The following ROBO1 variants were observed in gnomAD, a reference collection of about 807,000 sequenced individuals.
ROBO1 encodes roundabout guidance receptor 1.
A neutral mutation model predicts 195.9 loss-of-function variants in ROBO1; 149 were observed. That is an observed-to-expected ratio of 0.76 (90% CI 0.67 to 0.87). The LOEUF (loss-of-function observed/expected upper bound fraction) is 0.87. ROBO1 is among the 40% of genes least tolerant of loss of function. The pLI, the probability that ROBO1 is intolerant of heterozygous loss-of-function variation, is 0.00. For synonymous variants in ROBO1, 816 were observed against 733.2 expected (o/e 1.11, Z -1.82); for missense variants, 1,933 against 2,068.3 (o/e 0.93, Z 1.27).
intron 18 of ROBO1, among the ~76,000 whole-genome samples, chr3:78,653,183 T>C (rs1229418674): frequency 6.6e-6 from 1 of 152,206 alleles, no homozygotes; most frequent in Non-Finnish European, 1.5e-5. Context: ...AATCTGGGTT[T>C]TGACACCCTT....
At chr3:79,213,966 C>T (rs927185593) in intron 2 of ROBO1, among the ~76,000 whole-genome samples, 79 of 151,698 alleles carry the variant, frequency 5.2e-4, no homozygotes, top group South Asian at 4.2e-4. Flanking sequence ...GCTGGGATTA[C>T]GGGTGCGCAC....
intron 2 of ROBO1, among the ~76,000 whole-genome samples, chr3:79,504,700 C>T (rs990630208): frequency 3.3e-5 from 5 of 152,128 alleles, no homozygotes; most frequent in African/African-American, 1.2e-4. Flanking sequence ...ATGGAAAATG[C>T]AAATTTTGTA....
At chr3:79,160,933 T>A (rs1041049009) in intron 2 of ROBO1, among the ~76,000 whole-genome samples, 1 of 152,070 alleles carries the variant, frequency 6.6e-6, no homozygotes, top group Non-Finnish European at 1.5e-5. Flanking sequence ...AGAGAATTAA[T>A]GAAAACATAC....
At chr3:79,400,857 C>T (rs1170613969) in intron 2 of ROBO1, among the ~76,000 whole-genome samples, 1 of 151,264 alleles carries the variant, frequency 6.6e-6, no homozygotes, top group East Asian at 1.9e-4. Flanking sequence ...TCTAAGATAC[C>T]CTCTTATATT....
chr3:78,612,730 T>C (rs1703895672), intron 28 of ROBO1, among the ~76,000 whole-genome samples: 2 of 152,188 alleles, frequency 1.3e-5, no homozygotes, highest in Admixed American at 1.3e-4. Context: ...TGAAAGAAAG[T>C]GAATGCTGTA....
intron 4 of ROBO1, among the ~76,000 whole-genome samples, chr3:78,905,999 C>CA (rs2107506391): frequency 6.6e-6 from 1 of 152,212 alleles, no homozygotes; most frequent in South Asian, 2.1e-4. Context: ...GTAGAGCATA[C>CA]AAAACAACAT....
At chr3:79,718,933 T>C (rs1303903704) in intron 1 of ROBO1, among the ~76,000 whole-genome samples, 1 of 152,068 alleles carries the variant, frequency 6.6e-6, no homozygotes, top group African/African-American at 2.4e-5. Flanking sequence ...ATTGGTCACT[T>C]GTTGAACTAA....
intron 1 of ROBO1, among the ~76,000 whole-genome samples, chr3:79,698,420 A>T (rs1019255844): frequency 6.6e-6 from 1 of 151,516 alleles, no homozygotes. Flanking sequence ...AAATGGATAG[A>T]TGAAGTAGAC....
intron 2 of ROBO1, among the ~76,000 whole-genome samples, chr3:79,516,654 A>G (rs1940957713): frequency 6.6e-6 from 1 of 152,210 alleles, no homozygotes; most frequent in African/African-American, 2.4e-5. Context: ...AAACTTTAAT[A>G]TGTAGAGATC....
At chr3:79,455,613 A>G (rs754455271) in intron 2 of ROBO1, among the ~76,000 whole-genome samples, 5 of 152,052 alleles carry the variant, frequency 3.3e-5, no homozygotes, top group African/African-American at 7.2e-5. Context: ...CCGCATTTTG[A>G]TTGTAGATAC....
At chr3:79,735,879 A>C (rs1703358189) in intron 1 of ROBO1, among the ~76,000 whole-genome samples, 2 of 97,582 alleles carry the variant, frequency 2.0e-5, no homozygotes, top group African/African-American at 8.1e-5. Flanking sequence ...TCAAAAAAAA[A>C]AAAAAAACAA....
intron 2 of ROBO1, among the ~76,000 whole-genome samples, chr3:79,311,535 T>A (rs1478621444): frequency 6.6e-6 from 1 of 152,172 alleles, no homozygotes; most frequent in Non-Finnish European, 1.5e-5. Context: ...ACTATAAGCA[T>A]GCTGTCAGGT....
chr3:79,280,325 T>C (rs1273374557), intron 2 of ROBO1, among the ~76,000 whole-genome samples: 1 of 152,172 alleles, frequency 6.6e-6, no homozygotes, highest in African/African-American at 2.4e-5. Flanking sequence ...TTTTGAAATA[T>C]CATTATGTAC....
At chr3:79,179,670 G>A (rs1448477030) in intron 2 of ROBO1, among the ~76,000 whole-genome samples, 1 of 152,150 alleles carries the variant, frequency 6.6e-6, no homozygotes, top group South Asian at 2.1e-4. Flanking sequence ...TTATAATCAT[G>A]AAAGCTGAGT....
At chr3:78,884,857 TC>T (rs1161245736) in intron 4 of ROBO1, among the ~76,000 whole-genome samples, 3 of 132,498 alleles carry the variant, frequency 2.3e-5, no homozygotes, top group African/African-American at 8.9e-5. Context: ...TCTCTCTCTC[TC>T]TCTCTTTCTG....
intron 2 of ROBO1, among the ~76,000 whole-genome samples, chr3:79,477,501 A>G (rs941225644): frequency 6.6e-6 from 1 of 152,170 alleles, no homozygotes; most frequent in African/African-American, 2.4e-5. Flanking sequence ...GGGATGATTT[A>G]TGATATGCAA....
chr3:78,682,653 CTG>C (rs1352518648), intron 10 of ROBO1, among the ~76,000 whole-genome samples: 20 of 145,920 alleles, frequency 1.4e-4, no homozygotes, highest in Non-Finnish European at 2.5e-4. Context: ...TTTAATGTGA[CTG>C]TGTATATATA....
At chr3:79,233,747 A>G (rs1318463157) in intron 2 of ROBO1, among the ~76,000 whole-genome samples, 3 of 152,134 alleles carry the variant, frequency 2.0e-5, no homozygotes, top group Non-Finnish European at 4.4e-5. Context: ...AAGTTATCTG[A>G]GAAATCTCCC....
intron 5 of ROBO1, among the ~76,000 whole-genome samples, chr3:78,734,248 A>G (rs888425100): frequency 6.6e-6 from 1 of 152,106 alleles, no homozygotes; most frequent in African/African-American, 2.4e-5. Context: ...ATGTCATCTA[A>G]TGTTACTTTG....
Sources: gnomAD v4.1 joint callset for allele counts (sites outside exome capture counted in the v4.1 genomes callset) on GRCh38, gnomAD v4.1.1 for gene constraint, MANE v1.5 for transcripts, NCBI Gene and HGNC (gene_info 2026-07-23, HGNC 2026-07-21) for gene names.